The following COA8 variants were observed in gnomAD, a reference collection of about 807,000 sequenced individuals.
COA8 encodes the protein cytochrome c oxidase assembly factor 8.
COA8 carries 20 observed loss-of-function variants against 22.0 expected under a neutral mutation model. That is an observed-to-expected ratio of 0.91 (90% CI 0.64 to 1.32). The LOEUF is 1.32. COA8 is among the 40% of genes most tolerant of loss of function. The pLI is 0.00. For missense variants in COA8, 266 were observed against 230.0 expected, an observed-to-expected ratio of 1.16 and a Z score of -1.01; for synonymous variants, 105 against 79.9, an observed-to-expected ratio of 1.31 and a Z score of -1.68.
At chr14:103,566,310 G>C (rs920634249) in intron 1 of COA8, among the ~76,000 whole-genome samples, 40 of 152,100 alleles carry the variant, frequency 2.6e-4, no homozygotes, top group African/African-American at 9.2e-4. Context: ...ATCCCAGCTA[G>C]TTGGGAGGCT....
chr14:103,565,898 A>C (rs905974552), intron 1 of COA8, among the ~76,000 whole-genome samples: 1 of 151,962 alleles, frequency 6.6e-6, no homozygotes, highest in Non-Finnish European at 1.5e-5. Flanking sequence ...TACAGGTATG[A>C]GCCACTGTGC....
chr14:103,586,893 G>C (rs1380582940), intron 3 of COA8, among the ~76,000 whole-genome samples: 1 of 151,886 alleles, frequency 6.6e-6, no homozygotes, highest in Non-Finnish European at 1.5e-5. Flanking sequence ...TAGTAGAGAT[G>C]GGGTTTCACC....
At chr14:103,577,955 C>T (rs560033404) in intron 3 of COA8, among the ~76,000 whole-genome samples, 6 of 139,278 alleles carry the variant, frequency 4.3e-5, no homozygotes, top group East Asian at 2.2e-4. Flanking sequence ...ACCCCGGAGG[C>T]GGAAGTTGCA....
In COA8 at chr14:103,588,393, G is replaced by A. The variant is rs535436319; in HGVS notation, c.476+1029G>A. 50 of 380,478 alleles carry A rather than the reference G, an allele frequency of 1.3e-4. 1 individual carries two copies. In the South Asian group the frequency reaches 2.7e-3, roughly 21 times the overall value. 23.6% of individuals were successfully genotyped at this position (380,478 alleles called of 1,614,324 possible). A position where few individuals can be genotyped will look rare whatever the true frequency, so the allele number is the denominator to read the frequency against. On this transcript the variant is annotated intron_variant, in intron 4 of 4. Coordinates refer to ENST00000409074, the MANE Select transcript of COA8 (RefSeq NM_001370595.2). ...TGGGAGGTTAAGGCTACAGTGAGCCGAGATCCGGCCACTGCATTCCAGCCT... is the reference window on the plus strand; with the variant it reads ...TGGGAGGTTAAGGCTACAGTGAGCCAAGATCCGGCCACTGCATTCCAGCCT...
At chr14:103,575,212 C>T (rs1050743918) in intron 3 of COA8, among the ~76,000 whole-genome samples, 1 of 152,234 alleles carries the variant, frequency 6.6e-6, no homozygotes, top group Non-Finnish European at 1.5e-5. Flanking sequence ...GTCCATAGGT[C>T]TGTCATCATA....
chr14:103,574,609 A>G (rs2076217217), intron 3 of COA8: 1 of 355,004 alleles, frequency 2.8e-6, no homozygotes, highest in African/African-American at 2.2e-5. Context: ...TTGTTCTGAT[A>G]GAAAATCCAA....
intron 1 of COA8, 97 bp downstream of exon 1, chr14:103,563,221 C>G: frequency 4.1e-6 from 6 of 1,467,924 alleles, no homozygotes; most frequent in Non-Finnish European, 5.5e-6. Context: ...ACAGCCGCCT[C>G]AGGCCTTTGT....
At chr14:103,571,950 AC>A in intron 2 of COA8, 130 bp downstream of exon 2, 2 of 726,288 alleles carry the variant, frequency 2.8e-6, no homozygotes, top group South Asian at 3.7e-5. Flanking sequence ...ACACGGTGAA[AC>A]CCTGTCTCTA....
intron 1 of COA8, among the ~76,000 whole-genome samples, chr14:103,566,943 T>C (rs779360507): frequency 3.9e-5 from 6 of 152,212 alleles, no homozygotes; most frequent in Non-Finnish European, 7.3e-5. Context: ...GGTCTTGCTC[T>C]GTTGCCCAGG....
In COA8 at chr14:103,582,068, C is replaced by G. The variant is rs571412920; in HGVS notation, c.386-5206C>G. Among the ~76,000 whole-genome samples the G allele has an allele frequency of 1.2e-3, 178 of 152,302 alleles. 1 individual carries two copies. Among genetic ancestry groups the G allele is most frequent in the Non-Finnish European group, 2.0e-3 (136 of 68,004 alleles). On this transcript the variant is annotated intron_variant, in intron 3 of 4. Coordinates refer to ENST00000409074, the MANE Select transcript of COA8 (RefSeq NM_001370595.2). ...AAAGGCAGTCTGCCGGGGAGGCTAGCGAGCACCCTGGGTAGGAGCTGAGCG... is the reference window on the plus strand; with the variant it reads ...AAAGGCAGTCTGCCGGGGAGGCTAGGGAGCACCCTGGGTAGGAGCTGAGCG...
At chr14:103,578,298 T>G (rs971949959) in intron 3 of COA8, among the ~76,000 whole-genome samples, 3 of 152,176 alleles carry the variant, frequency 2.0e-5, no homozygotes, top group African/African-American at 7.2e-5. Flanking sequence ...TGCCCAGTAC[T>G]AGAAGAACGG....
Position 103,574,087 on chromosome 14 carries a change from T to G in COA8, c.322-20T>G. On this transcript the variant is annotated intron_variant, in intron 2 of 4. Transcript: ENST00000409074. ...AAGGAGTTCTGAGAGCCTTTTTTTT[T>G]TTTTTTTTTTTTTTTTAAGGAAAAA... The G allele has an allele frequency of 6.8e-7, 1 of 1,480,106 alleles. No individual in the cohort carries two copies. The allele number at this position is 1,480,106 out of a possible 1,614,324, so 91.7% of individuals were successfully genotyped here.
chr14:103,589,925 A>C (rs889717210), intron 4 of COA8, among the ~76,000 whole-genome samples: 1 of 151,926 alleles, frequency 6.6e-6, no homozygotes, highest in African/African-American at 2.4e-5. Context: ...AAAAAAAAAA[A>C]CACCAAAGGA....
chr14:103,574,322 C>A, intron 3 of COA8, 152 bp downstream of exon 3: 5 of 982,920 alleles, frequency 5.1e-6, no homozygotes, highest in African/African-American at 1.6e-5. Flanking sequence ...TGTCCAAGTT[C>A]TCTTGCACAC....
intron 1 of COA8, among the ~76,000 whole-genome samples, chr14:103,569,896 G>A (rs1320336137): frequency 1.3e-5 from 2 of 152,054 alleles, no homozygotes; most frequent in East Asian, 1.9e-4. Flanking sequence ...TCGCTCTGTC[G>A]CCCAGGCTGG....
chr14:103,587,489 C>A, intron 4 of COA8, 125 bp downstream of exon 4: 32 of 410,026 alleles, frequency 7.8e-5, no homozygotes, highest in South Asian at 1.3e-4. Context: ...ACTTTATCAA[C>A]TTTTTTTTTT....
At position 103,568,625 on chromosome 14, in the gene COA8, A is replaced by G. The variant is rs1264023351; in HGVS notation, c.124-2998A>G. ...CGTATATATATATGTGTGTGTGTATATATATATATATATATATATATAGTG... is the reference window on the plus strand; with the variant it reads ...CGTATATATATATGTGTGTGTGTATGTATATATATATATATATATATAGTG... On this transcript the variant is annotated intron_variant, in intron 1 of 4. Transcript: ENST00000409074. 9.6e-3 allele frequency among the ~76,000 whole-genome samples: 252 copies of G among 26,300 alleles called. 2 individuals are homozygous for G. Among genetic ancestry groups the G allele is most frequent in the East Asian group, 0.043 (66 of 1,538 alleles). The allele number at this position is 26,300 out of a possible 152,430, so 17.3% of individuals were successfully genotyped here.
At chr14:103,566,418 T>A (rs1251386199) in intron 1 of COA8, among the ~76,000 whole-genome samples, 5 of 152,092 alleles carry the variant, frequency 3.3e-5, no homozygotes, top group Non-Finnish European at 2.9e-5. Flanking sequence ...AGACTCATTC[T>A]CAAAAAGAAA....
intron 2 of COA8, among the ~76,000 whole-genome samples, chr14:103,572,786 A>AT (rs1373482984): frequency 2.8e-5 from 4 of 145,388 alleles, no homozygotes; most frequent in Non-Finnish European, 4.6e-5. Flanking sequence ...AAAAAAAAAA[A>AT]ATTTTTTTCT....
Sources: gnomAD v4.1 joint callset for allele counts (sites outside exome capture counted in the v4.1 genomes callset) on GRCh38, gnomAD v4.1.1 for gene constraint, MANE v1.5 for transcripts, NCBI Gene and HGNC (gene_info 2026-07-23, HGNC 2026-07-21) for gene names.